The following EXD1 variants were observed in gnomAD, a reference collection of about 807,000 sequenced individuals.
The protein encoded by EXD1 is exonuclease 3'-5' domain containing 1.
In EXD1, 63 loss-of-function variants were observed where a neutral mutation model predicts 49.1. That is an observed-to-expected ratio of 1.28 (90% CI 1.05 to 1.58). EXD1 has a LOEUF of 1.58. Ranked by LOEUF, EXD1 falls within the 40% of genes most tolerant of loss-of-function variation. The probability of loss-of-function intolerance (pLI) is 0.00; values close to 1 mark genes in which losing one functional copy is unlikely to be tolerated. For missense variants in EXD1, 748 were observed against 666.0 expected, an observed-to-expected ratio of 1.12 and a Z score of -1.36; for synonymous variants, 234 against 239.2, an observed-to-expected ratio of 0.98 and a Z score of 0.20.
At chr15:41,199,737 ATG>A (rs370139736) in intron 7 of EXD1, among the ~76,000 whole-genome samples, 5 of 52,388 alleles carry the variant, frequency 9.5e-5, no homozygotes, top group African/African-American at 2.4e-4. Context: ...TATGATATAT[ATG>A]TCATATATTA....
At chr15:41,214,974 T>C (rs1445802451) in intron 6 of EXD1, among the ~76,000 whole-genome samples, 7 of 152,120 alleles carry the variant, frequency 4.6e-5, no homozygotes, top group Non-Finnish European at 1.0e-4. Flanking sequence ...CTCAATCTCC[T>C]GACCTCGTGA....
At chr15:41,205,718 AGAAGGAGG>A (rs2046812402) in intron 7 of EXD1, among the ~76,000 whole-genome samples, 1 of 99,872 alleles carries the variant, frequency 1.0e-5, no homozygotes, top group Admixed American at 1.0e-4. Context: ...AGGGAAGGAG[AGAAGGAGG>A]GAAGAGAGGA....
chr15:41,188,365 C>G (rs1305184366), intron 11 of EXD1, among the ~76,000 whole-genome samples: 1 of 149,922 alleles, frequency 6.7e-6, no homozygotes, highest in African/African-American at 2.4e-5. Flanking sequence ...ACTCTCCTCC[C>G]TTCCCCTCCC....
chr15:41,230,750 T>G lies in EXD1; in HGVS notation c.-325A>C. 1 of 580,626 alleles carries G rather than the reference T, an allele frequency of 1.7e-6. No homozygotes were observed. Among genetic ancestry groups the G allele is most frequent in the Non-Finnish European group, 3.0e-6 (1 of 331,896 alleles). 36.0% of individuals were successfully genotyped at this position (580,626 alleles called of 1,614,324 possible). On this transcript the variant is annotated 5_prime_UTR_variant, in exon 1 of 12. Coordinates refer to ENST00000458580, the MANE Select transcript of EXD1 (RefSeq NM_001286441.2). The stretch of plus-strand genomic sequence containing the variant: ...GACGCCCGCCCGGCCCAACGTCCAG[T>G]CTCGTCTGTTTCCCGAGGAGCCAAT...
chr15:41,190,332 G>T, intron 10 of EXD1: 1 of 486,164 alleles, frequency 2.1e-6, no homozygotes, highest in Non-Finnish European at 3.8e-6. Context: ...AATTAGCTGG[G>T]CATGGTGGCA....
At chr15:41,205,786 A>G (rs2046813600) in intron 7 of EXD1, among the ~76,000 whole-genome samples, 1 of 152,098 alleles carries the variant, frequency 6.6e-6, no homozygotes, top group Non-Finnish European at 1.5e-5. Context: ...AACTCTATGT[A>G]AAACAAAAAG....
rs1252018161 is a variant in EXD1 at position 41,184,492 on chromosome 15, T to A, written c.1158A>T (p.Gly386=). 9 of 1,613,958 alleles carry A rather than the reference T, an allele frequency of 5.6e-6. No individual in the cohort carries two copies. Among genetic ancestry groups the A allele is most frequent in the Non-Finnish European group, 5.9e-6 (7 of 1,180,026 alleles). ...GCTGTAGCACTGTCCTTATCAGGAGTCCCTGTGCATTCACCCTATATTCTC... is the reference window on the plus strand; with the variant it reads ...GCTGTAGCACTGTCCTTATCAGGAGACCCTGTGCATTCACCCTATATTCTC... ...AAREYRVNAQ[G]LLIRTVLQPK... Residue 386 remains glycine (G), a synonymous_variant, in exon 12 of 12, where the codon GGA becomes GGT. Transcript: ENST00000458580.
At chr15:41,199,693 T>C (rs1283275513) in intron 7 of EXD1, among the ~76,000 whole-genome samples, 8 of 94,384 alleles carry the variant, frequency 8.5e-5, no homozygotes, top group African/African-American at 3.7e-4. Context: ...ATATATGAGA[T>C]ATATTACATA....
Position 41,218,684 on chromosome 15 carries a change from C to T in EXD1, c.202+1146G>A, listed in dbSNP as rs146270189. Among the ~76,000 whole-genome samples, 286 of 152,128 alleles carry T rather than the reference C, an allele frequency of 1.9e-3. 3 individuals are homozygous for T. The highest frequency in any genetic ancestry group is 0.015 in the East Asian group (78 of 5,172). ...CTTTCTCCAATCCAGAGCTCTGTTTCACTTCAAAGGCTGATAGTGAAAACA... is the reference window on the plus strand; with the variant it reads ...CTTTCTCCAATCCAGAGCTCTGTTTTACTTCAAAGGCTGATAGTGAAAACA... On this transcript the variant is annotated intron_variant, in intron 3 of 11. Transcript: ENST00000458580.
At chr15:41,193,233 T>G (rs2046558253) in intron 9 of EXD1, among the ~76,000 whole-genome samples, 1 of 152,168 alleles carries the variant, frequency 6.6e-6, no homozygotes, top group South Asian at 2.1e-4. Flanking sequence ...ATTTTCTCCT[T>G]GTGTTATAAT....
intron 7 of EXD1, among the ~76,000 whole-genome samples, chr15:41,207,582 AAGTGG>A (rs1030674252): frequency 3.7e-4 from 56 of 151,984 alleles, no homozygotes; most frequent in African/African-American, 1.3e-3. Flanking sequence ...AGTGCCTCTG[AAGTGG>A]AGTGGAGGGT....
intron 6 of EXD1, among the ~76,000 whole-genome samples, chr15:41,210,167 G>C (rs987696496): frequency 6.6e-6 from 1 of 152,020 alleles, no homozygotes; most frequent in Non-Finnish European, 1.5e-5. Context: ...TACCTGCCTC[G>C]GCCTCCCAAA....
intron 2 of EXD1, among the ~76,000 whole-genome samples, chr15:41,225,245 A>G (rs1211940315): frequency 3.9e-5 from 6 of 152,198 alleles, no homozygotes; most frequent in African/African-American, 1.4e-4. Flanking sequence ...AGTCAAAAAC[A>G]ATTCTAACTA....
rs1426099967 is a variant in EXD1, at chr15:41,187,844, C to T, written c.1056+2093G>A. 2.6e-5 allele frequency among the ~76,000 whole-genome samples: 4 copies of T among 151,756 alleles called. No homozygotes were observed. The East Asian group carries it at 5.8e-4, about 22-fold the overall frequency. On this transcript the variant is annotated intron_variant, in intron 11 of 11. Coordinates refer to ENST00000458580, the MANE Select transcript of EXD1 (RefSeq NM_001286441.2). ...CAGTCTGACCAACATGGAGTAACCCCGTCTCTACTAAAAATACAAAATTAG... is the reference window on the plus strand; with the variant it reads ...CAGTCTGACCAACATGGAGTAACCCTGTCTCTACTAAAAATACAAAATTAG...
intron 6 of EXD1, among the ~76,000 whole-genome samples, chr15:41,214,936 G>A (rs1018095299): frequency 1.2e-4 from 18 of 151,890 alleles, no homozygotes; most frequent in Non-Finnish European, 1.6e-4. Flanking sequence ...TAGTAGAGAC[G>A]GGTTTTCACC....
At chr15:41,198,754 G>T (rs1413977876) in intron 7 of EXD1, among the ~76,000 whole-genome samples, 1 of 151,460 alleles carries the variant, frequency 6.6e-6, no homozygotes, top group African/African-American at 2.4e-5. Flanking sequence ...TGCCCAGGCT[G>T]CAGTGCAATG....
At chr15:41,227,682 A>G (rs956755270) in intron 1 of EXD1, among the ~76,000 whole-genome samples, 6 of 151,744 alleles carry the variant, frequency 4.0e-5, no homozygotes, top group East Asian at 3.9e-4. Flanking sequence ...TCTCAAAAAA[A>G]AAAAAAAAAA....
rs768415207 is a variant in EXD1 at position 41,195,963 on chromosome 15, C to T, written c.609G>A (p.Gln203=). The part of the protein sequence containing the change: ...LGSRAFHNGL[Q]MILEDKRILK... The stretch of plus-strand genomic sequence containing the variant: ...AAATTCTCTTGTCTTCTAGTATCAT[C>T]TGAAGTCCATTGTGGAAAGCTCGAC... The change falls in exon 8 of 12, where the codon CAG becomes CAA. Residue 203 remains glutamine, a synonymous_variant. Coordinates refer to ENST00000458580, the MANE Select transcript of EXD1 (RefSeq NM_001286441.2). The T allele has an allele frequency of 6.2e-7, 1 of 1,612,326 alleles. No homozygotes were observed. Among genetic ancestry groups the T allele is most frequent in the Admixed American group, 1.7e-5 (1 of 59,194 alleles).
intron 7 of EXD1, among the ~76,000 whole-genome samples, chr15:41,201,066 G>T (rs1217281138): frequency 6.6e-6 from 1 of 151,930 alleles, no homozygotes; most frequent in Non-Finnish European, 1.5e-5. Flanking sequence ...TAGAGACAGG[G>T]TTTCACCATG....
Sources: gnomAD v4.1 joint callset for allele counts (sites outside exome capture counted in the v4.1 genomes callset) on GRCh38, gnomAD v4.1.1 for gene constraint, MANE v1.5 for transcripts, NCBI Gene and HGNC (gene_info 2026-07-23, HGNC 2026-07-21) for gene names.